TYR: variants seen among roughly 807,000 people sequenced by gnomAD.
TYR encodes the protein LB24-AB.
TYR carries 58 observed loss-of-function variants against 51.5 expected under a neutral mutation model. The observed-to-expected ratio is 1.13, with a 90% confidence interval of 0.91 to 1.40. The LOEUF is 1.40. Among genes scored for constraint, TYR ranks in the 40% most tolerant of loss-of-function variants. The probability of loss-of-function intolerance (pLI) is 0.00; values close to 1 mark genes in which losing one functional copy is unlikely to be tolerated. For synonymous variants in TYR, 263 were observed against 235.2 expected (o/e 1.12, Z -1.08); for missense variants, 732 against 647.4 (o/e 1.13, Z -1.42).
chr11:89,192,903 T>C (rs1263849481), intron 2 of TYR, among the ~76,000 whole-genome samples: 3 of 152,178 alleles, frequency 2.0e-5, no homozygotes, highest in African/African-American at 7.2e-5. Context: ...CATTGAAAAG[T>C]GGTGGAGATA....
At chr11:89,239,350 C>T (rs1413758349) in intron 3 of TYR, among the ~76,000 whole-genome samples, 1 of 151,708 alleles carries the variant, frequency 6.6e-6, no homozygotes, top group African/African-American at 2.4e-5. Context: ...TCTAGTTTAC[C>T]CAATTCGTTG....
At chr11:89,197,302 A>G (rs1447923962) in intron 2 of TYR, among the ~76,000 whole-genome samples, 1 of 152,144 alleles carries the variant, frequency 6.6e-6, no homozygotes, top group Non-Finnish European at 1.5e-5. Flanking sequence ...TTGAAGGAAA[A>G]AAACACATTA....
At chr11:89,286,410 G>A (rs1015962813) in intron 4 of TYR, among the ~76,000 whole-genome samples, 1 of 151,760 alleles carries the variant, frequency 6.6e-6, no homozygotes, top group Non-Finnish European at 1.5e-5. Flanking sequence ...TTATTAGCCA[G>A]GAACTCTTCT....
At position 89,284,841 on chromosome 11, in the gene TYR, T is replaced by C; in HGVS notation, c.1253T>C (p.Ile418Thr). 6 of 1,612,090 alleles carry C rather than the reference T, an allele frequency of 3.7e-6. No individual in the cohort carries two copies. The highest frequency in any genetic ancestry group is 5.1e-6 in the Non-Finnish European group (6 of 1,178,650). ...QEVYPEANAP[I>T]GHNRESYMVP... is the part of the protein sequence containing the mutation. ...GTTTATCCAGAAGCCAATGCACCCA[T>C]TGGACATAACCGGGAATCCTACATG... Residue 418 changes from isoleucine to threonine, a missense_variant, in exon 4 of 5, where the codon ATT (isoleucine) becomes ACT (threonine). Ile to Thr is a moderately conservative substitution (Grantham distance 89). Coordinates refer to ENST00000263321, the MANE Select transcript of TYR (RefSeq NM_000372.5).
intron 2 of TYR, among the ~76,000 whole-genome samples, chr11:89,206,941 A>G (rs909990519): frequency 6.6e-6 from 1 of 152,118 alleles, no homozygotes; most frequent in Non-Finnish European, 1.5e-5. Flanking sequence ...TTAAAAACCA[A>G]ACTTACCAAA....
intron 2 of TYR, among the ~76,000 whole-genome samples, chr11:89,196,557 C>A (rs955037153): frequency 1.3e-5 from 2 of 152,096 alleles, no homozygotes; most frequent in African/African-American, 4.8e-5. Flanking sequence ...TAAAAGAAAA[C>A]TACCTTCATT....
intron 1 of TYR, among the ~76,000 whole-genome samples, chr11:89,184,454 C>T (rs76079163): frequency 0.024 from 3,670 of 152,210 alleles, 123 homozygotes; most frequent in African/African-American, 0.077. Flanking sequence ...TCAACCATTC[C>T]TAAGCCATTA....
intron 1 of TYR, among the ~76,000 whole-genome samples, chr11:89,182,327 A>G (rs1190863524): frequency 2.0e-5 from 3 of 152,224 alleles, no homozygotes; most frequent in Non-Finnish European, 4.4e-5. Context: ...CTGCATGGGT[A>G]GATTTCTAGG....
chr11:89,243,065 C>T (rs895938378), intron 3 of TYR, among the ~76,000 whole-genome samples: 1 of 152,136 alleles, frequency 6.6e-6, no homozygotes, highest in African/African-American at 2.4e-5. Context: ...TTATCATTCT[C>T]CAACAATTTG....
intron 4 of TYR, among the ~76,000 whole-genome samples, chr11:89,289,364 C>T (rs1488881451): frequency 6.6e-6 from 1 of 152,010 alleles, no homozygotes; most frequent in African/African-American, 2.4e-5. Context: ...TACCTGTGTG[C>T]ATGCTGTTCT....
chr11:89,185,934 G>T (rs1335469354), intron 1 of TYR, among the ~76,000 whole-genome samples: 1 of 152,124 alleles, frequency 6.6e-6, no homozygotes, highest in Non-Finnish European at 1.5e-5. Context: ...ATAATTTGGT[G>T]AAGGATTCCT....
chr11:89,214,257 T>G (rs1004280666), intron 2 of TYR, among the ~76,000 whole-genome samples: 1 of 152,200 alleles, frequency 6.6e-6, no homozygotes, highest in African/African-American at 2.4e-5. Context: ...AAGACATTTA[T>G]GCAGCAAATA....
intron 3 of TYR, among the ~76,000 whole-genome samples, chr11:89,254,430 A>C (rs1427991270): frequency 6.6e-6 from 1 of 151,672 alleles, no homozygotes; most frequent in Non-Finnish European, 1.5e-5. Flanking sequence ...GATAGAATTC[A>C]GCTGTGACTG....
At chr11:89,206,534 A>T (rs1943674510) in intron 2 of TYR, among the ~76,000 whole-genome samples, 1 of 152,170 alleles carries the variant, frequency 6.6e-6, no homozygotes, top group East Asian at 1.9e-4. Flanking sequence ...ACAAATTCAC[A>T]ATTACAGTTG....
chr11:89,260,690 A>AT (rs565827309), intron 3 of TYR, among the ~76,000 whole-genome samples: 146 of 152,264 alleles, frequency 9.6e-4, no homozygotes, highest in African/African-American at 3.4e-3. Context: ...TTTGTAACTT[A>AT]TTTTTTCTAT....
chr11:89,278,684 T>C (rs906392943), intron 3 of TYR, among the ~76,000 whole-genome samples: 36 of 151,698 alleles, frequency 2.4e-4, no homozygotes, highest in African/African-American at 7.5e-4. Flanking sequence ...AATTCCTCTA[T>C]TATTAACATC....
Position 89,191,312 on chromosome 11 carries a change from A to G in TYR, c.930A>G (p.Pro310=), listed in dbSNP as rs373154185. The G allele has an allele frequency of 2.5e-6, 4 of 1,613,662 alleles. No individual in the cohort carries two copies. Among genetic ancestry groups the G allele is most frequent in the Non-Finnish European group, 3.4e-6 (4 of 1,179,762 alleles). ...NPGNHDKSRT[P]RLPSSADVEF... is the part of the protein sequence containing the mutation. ...GAAACCATGACAAATCCAGAACCCC[A>G]AGGCTCCCCTCTTCAGCTGATGTAG... The change falls in exon 2 of 5, where the codon CCA becomes CCG. Residue 310 remains proline (P), a synonymous_variant. Transcript: ENST00000263321.
intron 1 of TYR, among the ~76,000 whole-genome samples, chr11:89,187,587 A>T (rs1943391474): frequency 6.6e-6 from 1 of 152,244 alleles, no homozygotes; most frequent in Admixed American, 6.5e-5. Flanking sequence ...CATTTAAGAT[A>T]CTTGCTAAGA....
chr11:89,269,526 TTAGGCC>T (rs1703101411), intron 3 of TYR, among the ~76,000 whole-genome samples: 3 of 151,978 alleles, frequency 2.0e-5, no homozygotes, highest in African/African-American at 7.2e-5. Context: ...TTTTAATTAT[TTAGGCC>T]TTTTTGGTTC....
Sources: gnomAD v4.1 joint callset for allele counts (sites outside exome capture counted in the v4.1 genomes callset) on GRCh38, gnomAD v4.1.1 for gene constraint, MANE v1.5 for transcripts, NCBI Gene and HGNC (gene_info 2026-07-23, HGNC 2026-07-21) for gene names.